Variants in CSMD1 observed in about 807,000 individuals in gnomAD.
CSMD1 encodes CUB and Sushi multiple domains 1, also known as CUB and sushi domain-containing protein 1.
Under a neutral mutation model 417.5 loss-of-function variants are expected in CSMD1, and 213 were observed. The ratio of observed to expected loss-of-function variants is 0.51; its 90% CI spans 0.46 to 0.57. The LOEUF (loss-of-function observed/expected upper bound fraction) is 0.57. Ranked by LOEUF, CSMD1 falls within the 20% of genes least tolerant of loss-of-function variation. The probability of loss-of-function intolerance (pLI) is 0.00; values close to 1 mark genes in which losing one functional copy is unlikely to be tolerated. For synonymous variants in CSMD1, 2,862 were observed against 1,736.8 expected (o/e 1.65, Z -16.11); for missense variants, 6,923 against 4,529.7 (o/e 1.53, Z -15.17).
chr8:3,325,994 C>T (rs1486476925), intron 23 of CSMD1, among the ~76,000 whole-genome samples: 2 of 152,142 alleles, frequency 1.3e-5, no homozygotes, highest in African/African-American at 2.4e-5. Context: ...AATGGAAAAG[C>T]TGGTCCTAGA....
intron 3 of CSMD1, among the ~76,000 whole-genome samples, chr8:4,386,107 T>G (rs1449862879): frequency 6.6e-6 from 1 of 152,210 alleles, no homozygotes; most frequent in Non-Finnish European, 1.5e-5. Flanking sequence ...CCCAGAATCT[T>G]GACTTTTACC....
chr8:4,295,297 A>G (rs1426419207), intron 3 of CSMD1, among the ~76,000 whole-genome samples: 1 of 108,372 alleles, frequency 9.2e-6, no homozygotes, highest in African/African-American at 3.0e-5. Context: ...TAATCTTAAG[A>G]TTATCTATAT....
At chr8:3,017,320 AT>A (rs1249631203) in intron 52 of CSMD1, among the ~76,000 whole-genome samples, 1 of 152,190 alleles carries the variant, frequency 6.6e-6, no homozygotes, top group Non-Finnish European at 1.5e-5. Flanking sequence ...TCAGAAGGAT[AT>A]TTAGGAATGC....
intron 7 of CSMD1, among the ~76,000 whole-genome samples, chr8:3,705,131 A>T (rs575195142): frequency 6.6e-6 from 1 of 152,146 alleles, no homozygotes; most frequent in Non-Finnish European, 1.5e-5. Flanking sequence ...AAAAGGGTGA[A>T]TCTGGGGACA....
At chr8:4,648,962 A>C (rs893177449) in intron 1 of CSMD1, among the ~76,000 whole-genome samples, 25 of 152,202 alleles carry the variant, frequency 1.6e-4, no homozygotes, top group African/African-American at 5.8e-4. Context: ...ACTGACACCT[A>C]GTATCCTAGG....
At chr8:3,864,271 A>G (rs1257536378) in intron 5 of CSMD1, among the ~76,000 whole-genome samples, 1 of 152,222 alleles carries the variant, frequency 6.6e-6, no homozygotes, top group Non-Finnish European at 1.5e-5. Context: ...TGGGAATCAT[A>G]ACTCAATAAT....
chr8:4,354,294 G>C (rs1801269628), intron 3 of CSMD1, among the ~76,000 whole-genome samples: 1 of 152,072 alleles, frequency 6.6e-6, no homozygotes, highest in Non-Finnish European at 1.5e-5. Context: ...AAGTTACTCA[G>C]TATTATTAAG....
chr8:4,309,747 T>C (rs1000914956), intron 3 of CSMD1, among the ~76,000 whole-genome samples: 1 of 152,148 alleles, frequency 6.6e-6, no homozygotes, highest in Non-Finnish European at 1.5e-5. Context: ...TATCACAGTC[T>C]ATTGATATTA....
intron 3 of CSMD1, among the ~76,000 whole-genome samples, chr8:4,052,920 C>A (rs749838480): frequency 6.6e-6 from 1 of 152,094 alleles, no homozygotes; most frequent in Non-Finnish European, 1.5e-5. Flanking sequence ...GAACTAGGCG[C>A]AGAGAGAAGT....
intron 1 of CSMD1, among the ~76,000 whole-genome samples, chr8:4,800,170 G>A (rs77090915): frequency 0.06 from 9,123 of 152,036 alleles, 447 homozygotes; most frequent in East Asian, 0.23. Context: ...CGGCCGTGAC[G>A]GCTCATGCCT....
At position 4,897,560 on chromosome 8, in the gene CSMD1, G is replaced by A. The variant is rs760399563; in HGVS notation, c.85+96772C>T. Among the ~76,000 whole-genome samples the A allele has an allele frequency of 1.2e-4, 19 of 152,098 alleles. No individual in the cohort carries two copies. In the South Asian group the frequency reaches 2.3e-3, roughly 18 times the overall value. ...ACTATGTGCTAGTGTTTAATAGATT[G>A]CAATTTGTTACTCCGTTTTATAAAT... On this transcript the variant is annotated intron_variant, in intron 1 of 69. Transcript: ENST00000635120.
intron 3 of CSMD1, among the ~76,000 whole-genome samples, chr8:4,292,491 A>C (rs1430831487): frequency 6.6e-6 from 1 of 152,004 alleles, no homozygotes; most frequent in Non-Finnish European, 1.5e-5. Context: ...TGACCTCGTA[A>C]TCTGCCTGCC....
chr8:4,600,135 G>T (rs923522891), intron 2 of CSMD1, among the ~76,000 whole-genome samples: 2 of 152,152 alleles, frequency 1.3e-5, no homozygotes. Flanking sequence ...AGCACTTATT[G>T]CCTAGCTGGG....
chr8:4,782,052 C>A (rs987732644), intron 1 of CSMD1, among the ~76,000 whole-genome samples: 5 of 152,142 alleles, frequency 3.3e-5, no homozygotes, highest in Non-Finnish European at 7.3e-5. Flanking sequence ...CCACTAAACA[C>A]CAATTATTTC....
intron 26 of CSMD1, among the ~76,000 whole-genome samples, chr8:3,249,430 G>C (rs1175771835): frequency 6.6e-6 from 1 of 152,070 alleles, no homozygotes; most frequent in African/African-American, 2.4e-5. Flanking sequence ...CACCATGTTG[G>C]CCAGGCTGGC....
At chr8:4,570,165 C>A (rs1466765432) in intron 2 of CSMD1, among the ~76,000 whole-genome samples, 1 of 152,170 alleles carries the variant, frequency 6.6e-6, no homozygotes, top group Non-Finnish European at 1.5e-5. Context: ...GCCAGAATTT[C>A]CAACACTACG....
intron 5 of CSMD1, among the ~76,000 whole-genome samples, chr8:3,811,044 T>G (rs1191322067): frequency 1.3e-5 from 2 of 152,232 alleles, no homozygotes; most frequent in African/African-American, 4.8e-5. Context: ...TGGCAGGGGA[T>G]GAATCTTGAA....
chr8:4,684,039 C>T (rs1311411676), intron 1 of CSMD1, among the ~76,000 whole-genome samples: 2 of 152,144 alleles, frequency 1.3e-5, no homozygotes, highest in Non-Finnish European at 2.9e-5. Flanking sequence ...AGTATGATGG[C>T]ATTTTACAAT....
intron 1 of CSMD1, among the ~76,000 whole-genome samples, chr8:4,956,735 C>T (rs1324515173): frequency 1.3e-5 from 2 of 152,102 alleles, no homozygotes; most frequent in African/African-American, 4.8e-5. Context: ...TATGTCAACA[C>T]AAGAGGAAAA....
Sources: allele counts gnomAD v4.1 joint callset (sites outside exome capture counted in the v4.1 genomes callset), GRCh38; gene constraint gnomAD v4.1.1; transcripts MANE v1.5; gene names NCBI Gene and HGNC (gene_info 2026-07-23, HGNC 2026-07-21).